BPIFB3: variants seen among roughly 807,000 people sequenced by gnomAD.
The protein encoded by BPIFB3 is BPI fold-containing family B member 3.
In BPIFB3, 49 loss-of-function variants were observed where a neutral mutation model predicts 53.1. That is an observed-to-expected ratio of 0.92 (90% confidence interval 0.73 to 1.17). The LOEUF (loss-of-function observed/expected upper bound fraction) is 1.17. BPIFB3 is among the 50% of genes most tolerant of loss of function. The pLI, the probability that BPIFB3 is intolerant of heterozygous loss-of-function variation, is 0.00. For missense variants in BPIFB3, 628 were observed against 592.5 expected (o/e 1.06, Z -0.62); for synonymous variants, 271 against 269.6 (o/e 1.01, Z -0.05).
At chr20:33,059,749 G>A in intron 3 of BPIFB3, 142 bp from the exon 5 acceptor site, 3 of 1,234,644 alleles carry the variant, frequency 2.4e-6, no homozygotes, top group Non-Finnish European at 2.2e-6. Flanking sequence ...GGAAGAGGGT[G>A]CAGGGAAGTG....
chr20:33,055,280 G>C (rs1339569205), upstream of BPIFB3: 1 of 1,254,732 alleles, frequency 8.0e-7, no homozygotes. Flanking sequence ...TTACATTTGG[G>C]AGGAGAAGGC....
exon 10 of BPIFB3, chr20:33,068,920 G>A (rs1246473039): frequency 1.2e-5 from 19 of 1,613,926 alleles, no homozygotes; most frequent in Non-Finnish European, 1.0e-5. Context: ...CAACATCCAT[G>A]TGCTGTTCTA....
rs148332356 is a variant in BPIFB3, at chr20:33,067,957, T to C, written c.979-846T>C. ...TTCCAGCAGGCAAGGGACATACTTATGTGTTCCAAGCTTCTGTGGTTCTGT... is the reference window on the plus strand; with the variant it reads ...TTCCAGCAGGCAAGGGACATACTTACGTGTTCCAAGCTTCTGTGGTTCTGT... On this transcript the variant is annotated intron_variant, in intron 9 of 14. Coordinates refer to ENST00000375494, the Ensembl canonical transcript of BPIFB3. 5.2e-3 allele frequency among the ~76,000 whole-genome samples: 787 copies of C among 152,350 alleles called. 6 individuals carry two copies. Among genetic ancestry groups the C allele is most frequent in the Admixed American group, 1.0e-2 (153 of 15,304 alleles).
exon 11 of BPIFB3, chr20:33,069,903 G>A: frequency 6.2e-7 from 1 of 1,614,186 alleles, no homozygotes; most frequent in Non-Finnish European, 8.5e-7. Flanking sequence ...GACTGTGCGT[G>A]CCCAGCTGGC....
At chr20:33,064,819 C>G in exon 8 of BPIFB3, 1 of 1,613,482 alleles carries the variant, frequency 6.2e-7, no homozygotes, top group Non-Finnish European at 8.5e-7. Flanking sequence ...CAACGGCGCC[C>G]TCGACATGGA....
intron 11 of BPIFB3, 86 bp downstream of exon 12, chr20:33,070,041 G>A (rs1980821515): frequency 6.8e-7 from 1 of 1,461,970 alleles, no homozygotes; most frequent in African/African-American, 1.4e-5. Context: ...CCCGTTTCTT[G>A]AGCATCAGCG....
intron 14 of BPIFB3, 94 bp from the exon 16 acceptor site, chr20:33,073,482 A>C: frequency 7.3e-7 from 1 of 1,360,832 alleles, no homozygotes. Context: ...TTCCAGGTAC[A>C]GGGCCAATCC....
rs1043128088 is a variant in BPIFB3, at chr20:33,071,231, G to A, written c.1218-22G>A. ...GTGGTTGGGGGTAGCGGGGGCCCCAGCATCTCTCTTCTCTCCACCAGGCTC... is the reference window on the plus strand; with the variant it reads ...GTGGTTGGGGGTAGCGGGGGCCCCAACATCTCTCTTCTCTCCACCAGGCTC... On this transcript the variant is annotated intron_variant, in intron 11 of 14. Transcript: ENST00000375494. 6.4e-6 allele frequency: 10 copies of A among 1,556,556 alleles called. No homozygotes were observed. The South Asian group carries it at 1.2e-4, about 18-fold the overall frequency.
chr20:33,069,983 T>C (rs1270623424), intron 11 of BPIFB3, 28 bp downstream of exon 12: 2 of 1,609,042 alleles, frequency 1.2e-6, no homozygotes, highest in Non-Finnish European at 1.7e-6. Flanking sequence ...GGACAGGATC[T>C]TGTTCTTGTC....
upstream of BPIFB3, among the ~76,000 whole-genome samples, chr20:33,055,171 A>G (rs948163733): frequency 6.6e-6 from 1 of 152,172 alleles, no homozygotes; most frequent in South Asian, 2.1e-4. Context: ...CAGTTTTCCC[A>G]GCTGAGAAAT....
chr20:33,067,128 A>G (rs763684455), intron 9 of BPIFB3, among the ~76,000 whole-genome samples: 11 of 152,252 alleles, frequency 7.2e-5, no homozygotes, highest in Non-Finnish European at 1.2e-4. Context: ...TTGTTTCTGT[A>G]GCACACAAGG....
chr20:33,072,122 T>A, exon 13 of BPIFB3: 1 of 1,614,212 alleles, frequency 6.2e-7, no homozygotes, highest in Non-Finnish European at 8.5e-7. Context: ...TTTAGAAGAA[T>A]GGCTCAGCCA....
chr20:33,057,662 G>A (rs184932892), intron 2 of BPIFB3, among the ~76,000 whole-genome samples: 36 of 151,696 alleles, frequency 2.4e-4, no homozygotes, highest in African/African-American at 8.5e-4. Flanking sequence ...CCAGAACACC[G>A]CTACTAGGGT....
At chr20:33,057,387 T>A (rs1220150669) in intron 2 of BPIFB3, among the ~76,000 whole-genome samples, 1 of 152,010 alleles carries the variant, frequency 6.6e-6, no homozygotes, top group Non-Finnish European at 1.5e-5. Flanking sequence ...AGAAGTTACA[T>A]CATGTTGGTC....
chr20:33,056,456 C>G, intron 1 of BPIFB3, 86 bp from the exon 3 acceptor site: 1 of 1,497,826 alleles, frequency 6.7e-7, no homozygotes, highest in Non-Finnish European at 9.2e-7. Context: ...GAAGCCTACT[C>G]AATCTCAGAG....
rs576159328 is a variant in BPIFB3, at chr20:33,062,024, C to G, written c.591+193C>G. On this transcript the variant is annotated intron_variant, in intron 5 of 14. Transcript: ENST00000375494. Reference sequence around the variant, plus strand: ...CTAGTCTGGGGGTGGATGACACGATCCTTTCGGCCTGGGTCCCCTGCTCCC... The same window carrying G: ...CTAGTCTGGGGGTGGATGACACGATGCTTTCGGCCTGGGTCCCCTGCTCCC... Among the ~76,000 whole-genome samples the G allele has an allele frequency of 3.3e-5, 5 of 150,512 alleles. No individual in the cohort carries two copies. The South Asian group carries it at 1.1e-3, about 32-fold the overall frequency.
At chr20:33,056,731 G>GACTT in intron 2 of BPIFB3, 33 bp downstream of exon 3, 1 of 1,523,600 alleles carries the variant, frequency 6.6e-7, no homozygotes, top group Non-Finnish European at 8.8e-7. Flanking sequence ...CCTACAGGAA[G>GACTT]ACTTGGCTTT....
At chr20:33,069,804 G>C (rs1980810520) in intron 10 of BPIFB3, 84 bp from the exon 12 acceptor site, 1 of 1,382,752 alleles carries the variant, frequency 7.2e-7, no homozygotes, top group Admixed American at 1.7e-5. Context: ...AGGGTTAGTG[G>C]ACGGAACAGA....
chr20:33,068,921 T>A, exon 10 of BPIFB3: 2 of 1,614,050 alleles, frequency 1.2e-6, no homozygotes, highest in Non-Finnish European at 1.7e-6. Flanking sequence ...AACATCCATG[T>A]GCTGTTCTAT....
Sources: allele counts gnomAD v4.1 joint callset (sites outside exome capture counted in the v4.1 genomes callset), GRCh38; gene constraint gnomAD v4.1.1; transcripts MANE v1.5; gene names NCBI Gene and HGNC (gene_info 2026-07-23, HGNC 2026-07-21).